Variants in CARMIL3 observed in about 807,000 individuals in gnomAD.
The protein encoded by CARMIL3 is capping protein regulator and myosin 1 linker 3, also known as capping protein, Arp2/3 and myosin-I linker protein 3.
A neutral mutation model predicts 180.8 loss-of-function variants in CARMIL3; 88 were observed. That is an observed-to-expected ratio of 0.49 (90% confidence interval 0.41 to 0.58). CARMIL3 has a LOEUF of 0.58. Among genes scored for constraint, CARMIL3 ranks in the 20% least tolerant of loss-of-function variants. CARMIL3 has a pLI of 0.00. For missense variants in CARMIL3, 1,548 were observed against 1,787.0 expected (o/e 0.87, Z 2.41); for synonymous variants, 696 against 714.5 (o/e 0.97, Z 0.41).
At position 24,061,463 on chromosome 14, in the gene CARMIL3, C is replaced by T; in HGVS notation, c.2305-34C>T. The T allele has an allele frequency of 6.3e-7, 1 of 1,598,870 alleles. No individual in the cohort carries two copies. Among genetic ancestry groups the T allele is most frequent in the Non-Finnish European group, 8.5e-7 (1 of 1,171,618 alleles). ...TGGTGCCAGCCCTGATCCTGTCCCC[C>T]TTGGGCCTCTGGCCTCCCTTTCCCC... On this transcript the variant is annotated intron_variant, in intron 26 of 39. Transcript: ENST00000342740. The surrounding 1 kb of genome is among the most constrained non-coding windows in gnomAD (Gnocchi z 4.1).
chr14:24,062,115 G>A, intron 27 of CARMIL3: 1 of 372,086 alleles, frequency 2.7e-6, no homozygotes, highest in Non-Finnish European at 5.0e-6. Flanking sequence ...CTAGGCCCAA[G>A]GAAGGGTCTT....
Position 24,061,003 on chromosome 14 carries a change from C to T in CARMIL3, c.2267C>T (p.Ala756Val). ...GPVRQRLESVASEVSKAVDKE... is the reference protein window; with the variant it reads ...GPVRQRLESVVSEVSKAVDKE... Reference sequence around the variant, plus strand: ...GTGCGGCAGAGGCTGGAATCAGTAGCAAGTGAGGTGTCCAAAGCTGTGGAC... The same window carrying T: ...GTGCGGCAGAGGCTGGAATCAGTAGTAAGTGAGGTGTCCAAAGCTGTGGAC... Residue 756 changes from alanine to valine, a missense_variant, in exon 26 of 40, where the codon GCA (alanine) becomes GTA (valine). Ala to Val is a moderately conservative substitution (Grantham distance 64). Around this residue, in one of 4 missense-constraint regions of CARMIL3, gnomAD observed 297 missense variants for 415.9 expected, o/e 0.71. Transcript: ENST00000342740. The surrounding 1 kb of genome is among the most constrained non-coding windows in gnomAD (Gnocchi z 4.1). 1 of 1,551,650 alleles carries T rather than the reference C, an allele frequency of 6.4e-7. No individual in the cohort carries two copies. Among genetic ancestry groups the T allele is most frequent in the Non-Finnish European group, 8.7e-7 (1 of 1,146,984 alleles).
intron 34 of CARMIL3, among the ~76,000 whole-genome samples, chr14:24,066,062 T>G (rs2035783976): frequency 6.6e-6 from 1 of 152,256 alleles, no homozygotes; most frequent in Non-Finnish European, 1.5e-5. Context: ...GAATTATTAC[T>G]TACATAGTAT....
Position 24,062,485 on chromosome 14 carries a change from T to C in CARMIL3, c.2486T>C (p.Val829Ala), listed in dbSNP as rs140911499. 14 of 1,613,996 alleles carry C rather than the reference T, an allele frequency of 8.7e-6. No homozygotes were observed. In the African/African-American group the frequency reaches 1.3e-4, roughly 15 times the overall value. ...AGCCCCACCTGTGCCCACAGTGAAGTGAAGCTCTCAGTCGTCACCTACCTA... is the reference window on the plus strand; with the variant it reads ...AGCCCCACCTGTGCCCACAGTGAAGCGAAGCTCTCAGTCGTCACCTACCTA... Reference protein sequence around the residue: ...GQDIQNKLDEVKLSVVTYLTS... With the variant: ...GQDIQNKLDEAKLSVVTYLTS... Residue 829 changes from valine to alanine, a missense_variant, in exon 28 of 40, where the codon GTG becomes GCG. By Grantham distance (64) the Val-to-Ala change is moderately conservative. Around this residue, in one of 4 missense-constraint regions of CARMIL3, gnomAD observed 297 missense variants for 415.9 expected, o/e 0.71. Transcript: ENST00000342740.
In CARMIL3 at chr14:24,060,154, C is replaced by T; in HGVS notation, c.1963-3C>T. 1.2e-6 allele frequency: 2 copies of T among 1,614,138 alleles called. No homozygotes were observed. Among genetic ancestry groups the T allele is most frequent in the Non-Finnish European group, 1.7e-6 (2 of 1,180,026 alleles). ...CCTGACCCACCAACCCCATCATCTC[C>T]AGATCCAATGGTGCTTAGTGAGGAA... On this transcript the variant is annotated splice_region_variant and splice_polypyrimidine_tract_variant and intron_variant, in intron 23 of 39. Coordinates refer to ENST00000342740, the MANE Select transcript of CARMIL3 (RefSeq NM_138360.4).
chr14:24,052,265 G>A, intron 1 of CARMIL3, 72 bp downstream of exon 1: 1 of 1,459,322 alleles, frequency 6.9e-7, no homozygotes, highest in East Asian at 2.8e-5. Flanking sequence ...CCTCCCCGTG[G>A]TGCATCCCAG....
Position 24,068,646 on chromosome 14 carries a change from G to A in CARMIL3, c.3745G>A (p.Glu1249Lys), listed in dbSNP as rs1336061455. 1 of 1,614,034 alleles carries A rather than the reference G, an allele frequency of 6.2e-7. No individual in the cohort carries two copies. Among genetic ancestry groups the A allele is most frequent in the Non-Finnish European group, 8.5e-7 (1 of 1,179,952 alleles). ...CAGCCCAGCCTCCCAAGATGGGGAA[G>A]AGGAGAAGGAGGGGACCCTCTTCCC... ...SPSPASQDGEEEKEGTLFPER... is the reference protein window; with the variant it reads ...SPSPASQDGEKEKEGTLFPER... The change falls in exon 37 of 40, where the codon GAG becomes AAG. Residue 1249 changes from glutamate (E) to lysine (K), a missense_variant. Glu to Lys is a moderately conservative substitution (Grantham distance 56). Around this residue, in one of 4 missense-constraint regions of CARMIL3, gnomAD observed 668 missense variants for 687.8 expected, o/e 0.97. Coordinates refer to ENST00000342740, the MANE Select transcript of CARMIL3 (RefSeq NM_138360.4).
rs773442340 is a variant in CARMIL3, at chr14:24,057,798, C to A, written c.1141-5C>A. 8.1e-6 allele frequency: 13 copies of A among 1,608,032 alleles called. No individual in the cohort carries two copies. The highest frequency in any genetic ancestry group is 3.3e-5 in the Admixed American group (2 of 59,816). On this transcript the variant is annotated splice_polypyrimidine_tract_variant and splice_region_variant and intron_variant, in intron 14 of 39. Transcript: ENST00000342740. ...CCCTGAGACCCACCATATCTCCCCC[C>A]ACAGCTTCTCGGTGCCCTGCTCCAC...
chr14:24,055,448 G>A, intron 8 of CARMIL3, 95 bp from the exon 9 acceptor site: 1 of 1,514,304 alleles, frequency 6.6e-7, no homozygotes, highest in South Asian at 1.1e-5. Flanking sequence ...TACCCATTTA[G>A]GCCTTCCCCA....
At position 24,058,237 on chromosome 14, in the gene CARMIL3, T is replaced by A; in HGVS notation, c.1392+13T>A. Reference sequence around the variant, plus strand: ...CAGCAGCTGCGAGGTGAGCCCTCAGTCCCCAACCCCTCTGCCCGCCTCCGA... The same window carrying A: ...CAGCAGCTGCGAGGTGAGCCCTCAGACCCCAACCCCTCTGCCCGCCTCCGA... On this transcript the variant is annotated intron_variant, in intron 17 of 39. Coordinates refer to ENST00000342740, the MANE Select transcript of CARMIL3 (RefSeq NM_138360.4). The surrounding 1 kb of genome is among the most constrained non-coding windows in gnomAD (Gnocchi z 6.4). The A allele has an allele frequency of 6.2e-7, 1 of 1,611,704 alleles. No individual in the cohort carries two copies. Among genetic ancestry groups the A allele is most frequent in the South Asian group, 1.1e-5 (1 of 90,676 alleles).
intron 8 of CARMIL3, 108 bp from the exon 9 acceptor site, chr14:24,055,435 A>T (rs918108528): frequency 2.8e-5 from 41 of 1,484,914 alleles, no homozygotes; most frequent in Non-Finnish European, 3.0e-5. Context: ...TCCCATCCCC[A>T]TCTACCCATT....
intron 12 of CARMIL3, 75 bp downstream of exon 12, chr14:24,056,783 C>T (rs2035676257): frequency 1.3e-6 from 2 of 1,534,346 alleles, no homozygotes; most frequent in Admixed American, 3.4e-5. Context: ...AGAGGTACAC[C>T]CACACATTCA....
At chr14:24,056,452 A>G in intron 11 of CARMIL3, 59 bp downstream of exon 11, 1 of 1,558,250 alleles carries the variant, frequency 6.4e-7, no homozygotes. Flanking sequence ...CCTAGCCCAG[A>G]GCCCAACCAG....
chr14:24,062,672 C>T, intron 28 of CARMIL3, 37 bp from the exon 29 acceptor site: 1 of 1,610,628 alleles, frequency 6.2e-7, no homozygotes, highest in Admixed American at 1.7e-5. Flanking sequence ...AGGTGGGCAG[C>T]TTCCATGGAA....
Position 24,059,649 on chromosome 14 carries a change from T to C in CARMIL3, c.1800-15T>C. 2 of 1,613,742 alleles carry C rather than the reference T, an allele frequency of 1.2e-6. No individual in the cohort carries two copies. The highest frequency in any genetic ancestry group is 1.7e-6 in the Non-Finnish European group (2 of 1,179,874). On this transcript the variant is annotated splice_polypyrimidine_tract_variant and intron_variant, in intron 21 of 39. Transcript: ENST00000342740. This position sits in a 1 kb window ranked among gnomAD's most constrained non-coding sequence, Gnocchi z 6.3. ...AGGAGGAGAGGTGCCAAACTGGTGC[T>C]TACCCTCCCCCCAGAACTATCCTAT...
chr14:24,053,234 C>T (rs2035636727), intron 1 of CARMIL3, among the ~76,000 whole-genome samples: 1 of 152,176 alleles, frequency 6.6e-6, no homozygotes, highest in African/African-American at 2.4e-5. Flanking sequence ...ATGCCACACT[C>T]AGGCTCCCTG....
In CARMIL3 at chr14:24,055,754, C is replaced by T. The variant is rs745898129; in HGVS notation, c.735C>T (p.Leu245=). Residue 245 remains leucine (L), a synonymous_variant, in exon 10 of 40, where the codon CTC becomes CTT. Transcript: ENST00000342740. ...ATACCCTAAGCAAGTCGGGGAGCCT[C>T]GAAGAGCTGGTGCTGGACAACGCCG... ...VLHTLSKSGS[L]EELVLDNAGL... 18 of 1,613,936 alleles carry T rather than the reference C, an allele frequency of 1.1e-5. No individual in the cohort carries two copies. Among genetic ancestry groups the T allele is most frequent in the Middle Eastern group, 1.6e-4 (1 of 6,084 alleles).
At chr14:24,062,255 C>G in intron 27 of CARMIL3, 1 of 591,678 alleles carries the variant, frequency 1.7e-6, no homozygotes, top group Non-Finnish European at 3.0e-6. Flanking sequence ...TCCTCTTTCC[C>G]CACACATAGT....
At position 24,069,436 on chromosome 14, in the gene CARMIL3, C is replaced by T; in HGVS notation, c.*32C>T. 3 of 1,614,058 alleles carry T rather than the reference C, an allele frequency of 1.9e-6. No homozygotes were observed. The highest frequency in any genetic ancestry group is 2.5e-6 in the Non-Finnish European group (3 of 1,179,952). On this transcript the variant is annotated 3_prime_UTR_variant, in exon 40 of 40. Coordinates refer to ENST00000342740, the MANE Select transcript of CARMIL3 (RefSeq NM_138360.4). ...CCACAACACCCTCCTCAGCCCTCGA[C>T]ATGTGCCTCGCAAGGACTCAGACCC...
Sources: gnomAD v4.1 joint callset for allele counts (sites outside exome capture counted in the v4.1 genomes callset) on GRCh38, gnomAD v4.1.1 for gene constraint, gnomAD v4.1.1 regional missense constraint, Gnocchi (gnomAD v3.1) non-coding constraint, MANE v1.5 for transcripts, NCBI Gene and HGNC (gene_info 2026-07-23, HGNC 2026-07-21) for gene names.